CRMP1: variants seen among roughly 807,000 people sequenced by gnomAD.
CRMP1 encodes the protein collapsin response mediator protein 1, also known as dihydropyrimidinase-related protein 1.
CRMP1 carries 19 observed loss-of-function variants against 68.3 expected under a neutral mutation model. The observed-to-expected ratio is 0.28, with a 90% CI of 0.19 to 0.41. CRMP1 has a LOEUF of 0.41. CRMP1 is among the 10% of genes least tolerant of loss of function. CRMP1 has a pLI of 1.00. For synonymous variants in CRMP1, 439 were observed against 399.6 expected (o/e 1.10, Z -1.18); for missense variants, 791 against 967.4 (o/e 0.82, Z 2.42).
Position 5,843,242 on chromosome 4 carries a change from C to T in CRMP1, c.964-81G>A, listed in dbSNP as rs952826335. The T allele has an allele frequency of 3.5e-5, 50 of 1,432,804 alleles. No individual in the cohort carries two copies. The East Asian group carries it at 9.3e-4, about 27-fold the overall frequency. The allele number at this position is 1,432,804 out of a possible 1,614,324, so 88.8% of individuals were successfully genotyped here. A position where few individuals can be genotyped will look rare whatever the true frequency, so the allele number is the denominator to read the frequency against. ...TGACTCCTCCAACCCCCTGGTTAGA[C>T]AGAGGGGGCAGCTGGGTCCCAAAGA... On this transcript the variant is annotated intron_variant, in intron 6 of 13. Coordinates refer to ENST00000324989, the MANE Select transcript of CRMP1 (RefSeq NM_001014809.3). This position sits in a 1 kb window ranked among gnomAD's most constrained non-coding sequence, Gnocchi z 4.1.
At chr4:5,824,361 T>C (rs908686985) in intron 13 of CRMP1, 1 of 985,414 alleles carries the variant, frequency 1.0e-6, no homozygotes, top group Non-Finnish European at 1.2e-6. Context: ...CAAAGTCTTA[T>C]GGAGAGTGAG....
rs1375515367 is a variant in CRMP1 at position 5,825,668 on chromosome 4, AG to A, written c.1804-10del. On this transcript the variant is annotated splice_polypyrimidine_tract_variant and intron_variant, in intron 12 of 13. Transcript: ENST00000324989. This position sits in a 1 kb window ranked among gnomAD's most constrained non-coding sequence, Gnocchi z 4.4. ...CCTTGCAATCCAAAAACCTAAACAG[AG>A]GAAGGGAGAGTGTGATTGATCGACA... is the stretch of plus-strand genomic sequence containing the variant. 1 of 1,612,206 alleles carries A rather than the reference AG, an allele frequency of 6.2e-7. No individual in the cohort carries two copies. Among genetic ancestry groups the A allele is most frequent in the African/African-American group, 1.3e-5 (1 of 74,840 alleles).
intron 1 of CRMP1, among the ~76,000 whole-genome samples, chr4:5,875,681 TC>T (rs1577836124): frequency 6.6e-6 from 1 of 152,200 alleles, no homozygotes; most frequent in East Asian, 1.9e-4. Flanking sequence ...TTCTGAAAGT[TC>T]CAGGTACTGT....
At chr4:5,887,862 C>T (rs1054163313) in intron 1 of CRMP1, 4 of 995,820 alleles carry the variant, frequency 4.0e-6, no homozygotes, top group Admixed American at 5.8e-5. Flanking sequence ...CTCACCCTCC[C>T]ACCCCCGCGC....
chr4:5,836,239 G>A (rs1183819019), intron 10 of CRMP1, among the ~76,000 whole-genome samples, 154 bp from the exon 11 acceptor site: 1 of 152,196 alleles, frequency 6.6e-6, no homozygotes, highest in Non-Finnish European at 1.5e-5. Context: ...AAGAACCCCA[G>A]AAGGCCCAGC....
intron 9 of CRMP1, 66 bp from the exon 10 acceptor site, chr4:5,836,972 G>C (rs1385695297): frequency 7.2e-6 from 11 of 1,521,696 alleles, no homozygotes; most frequent in East Asian, 2.3e-5. Flanking sequence ...CCTGACTTCA[G>C]ACAGGTACAT....
In CRMP1 at chr4:5,860,072, C is replaced by T. The variant is rs984460744; in HGVS notation, c.655+954G>A. On this transcript the variant is annotated intron_variant, in intron 3 of 13. Transcript: ENST00000324989. The surrounding 1 kb of genome is among the most constrained non-coding windows in gnomAD (Gnocchi z 4.2). ...GGAGGAGGAGTCCAGTTTCCCAGAC[C>T]GAGCACTGCTGGGGAGTGGTCTCAC... is the stretch of plus-strand genomic sequence containing the variant. Among the ~76,000 whole-genome samples the T allele has an allele frequency of 6.6e-6, 1 of 152,110 alleles. No individual in the cohort carries two copies. The highest frequency in any genetic ancestry group is 1.9e-4 in the East Asian group (1 of 5,184).
chr4:5,852,749 A>G lies in CRMP1; in HGVS notation c.821-1280T>C, dbSNP rs146328691. Among the ~76,000 whole-genome samples, 762 of 152,294 alleles carry G rather than the reference A, an allele frequency of 5.0e-3. 7 individuals carry two copies. Among genetic ancestry groups the G allele is most frequent in the African/African-American group, 0.018 (735 of 41,556 alleles). On this transcript the variant is annotated intron_variant, in intron 4 of 13. Transcript: ENST00000324989. ...ATCTGGGCTGGGGTGTGGGAGTATC[A>G]GCAAGTCAATGGGCAAAGACAACTT...
At chr4:5,875,136 C>G (rs1463315720) in intron 1 of CRMP1, among the ~76,000 whole-genome samples, 2 of 151,450 alleles carry the variant, frequency 1.3e-5, no homozygotes, top group African/African-American at 4.9e-5. Flanking sequence ...TTGAGCTCTG[C>G]TTACAAAAAC....
At position 5,834,465 on chromosome 4, in the gene CRMP1, T is replaced by C. The variant is rs923918817; in HGVS notation, c.1623+1450A>G. The stretch of plus-strand genomic sequence containing the variant: ...TGTCTTATCCTTCTGCCCTCTGCCA[T>C]GGGATAACTCAGCAAGAAGGCCTTT... On this transcript the variant is annotated intron_variant, in intron 11 of 13. Coordinates refer to ENST00000324989, the MANE Select transcript of CRMP1 (RefSeq NM_001014809.3). The surrounding 1 kb of genome is among the most constrained non-coding windows in gnomAD (Gnocchi z 4.3). Among the ~76,000 whole-genome samples, 3 of 152,216 alleles carry C rather than the reference T, an allele frequency of 2.0e-5. No individual in the cohort carries two copies. Among genetic ancestry groups the C allele is most frequent in the Admixed American group, 6.5e-5 (1 of 15,284 alleles).
Position 5,825,678 on chromosome 4 carries a change from AGT to A in CRMP1, c.1804-21_1804-20del, listed in dbSNP as rs1482094411. 1.9e-6 allele frequency: 3 copies of A among 1,611,120 alleles called. No homozygotes were observed. Among genetic ancestry groups the A allele is most frequent in the South Asian group, 2.2e-5 (2 of 90,528 alleles). On this transcript the variant is annotated intron_variant, in intron 12 of 13. Coordinates refer to ENST00000324989, the MANE Select transcript of CRMP1 (RefSeq NM_001014809.3). The surrounding 1 kb of genome is among the most constrained non-coding windows in gnomAD (Gnocchi z 4.4). ...CAAAAACCTAAACAGAGGAAGGGAG[AGT>A]GTGATTGATCGACACTGTGCATGTG...
Position 5,892,578 on chromosome 4 carries a change from C to A in CRMP1, c.381+11G>T. 1 of 1,177,054 alleles carries A rather than the reference C, an allele frequency of 8.5e-7. No homozygotes were observed. Among genetic ancestry groups the A allele is most frequent in the South Asian group, 4.2e-5 (1 of 23,810 alleles). 72.9% of individuals were successfully genotyped at this position (1,177,054 alleles called of 1,614,324 possible). ...CCCCCCTCGTCTGGCCCGCGCGCGC[C>A]CCGAGGGTACCTGGCCATTGTCCCG... On this transcript the variant is annotated intron_variant, in intron 1 of 13. Coordinates refer to ENST00000324989, the MANE Select transcript of CRMP1 (RefSeq NM_001014809.3). The surrounding 1 kb of genome is among the most constrained non-coding windows in gnomAD (Gnocchi z 8.6).
intron 8 of CRMP1, among the ~76,000 whole-genome samples, chr4:5,840,546 T>C (rs1056490033): frequency 1.3e-5 from 2 of 152,254 alleles, no homozygotes; most frequent in African/African-American, 4.8e-5. Context: ...GTGCCCTGTA[T>C]CACAGCTGCC....
chr4:5,892,501 G>A lies in CRMP1; in HGVS notation c.381+88C>T, dbSNP rs888181566. On this transcript the variant is annotated intron_variant, in intron 1 of 13. Coordinates refer to ENST00000324989, the MANE Select transcript of CRMP1 (RefSeq NM_001014809.3). This position sits in a 1 kb window ranked among gnomAD's most constrained non-coding sequence, Gnocchi z 8.6. ...CTGGCGGCCGCTGCCCCAACACCGG[G>A]GCCCGGGCATGGCCCTCGGGCGCCC... 2.2e-5 allele frequency: 25 copies of A among 1,126,058 alleles called. No homozygotes were observed. In the African/African-American group the frequency reaches 2.8e-4, roughly 13 times the overall value. 69.8% of individuals were successfully genotyped at this position (1,126,058 alleles called of 1,614,324 possible).
At position 5,838,464 on chromosome 4, in the gene CRMP1, G is replaced by A. The variant is rs565275526; in HGVS notation, c.1310+1058C>T. The stretch of plus-strand genomic sequence containing the variant: ...TGGGTAGGGTGGGGTGGGCCCGTGT[G>A]GAAATAGAAAGTCTTGGTCGGAAGC... On this transcript the variant is annotated intron_variant, in intron 9 of 13. Coordinates refer to ENST00000324989, the MANE Select transcript of CRMP1 (RefSeq NM_001014809.3). This position sits in a 1 kb window ranked among gnomAD's most constrained non-coding sequence, Gnocchi z 4.9. Among the ~76,000 whole-genome samples the A allele has an allele frequency of 2.0e-4, 30 of 152,264 alleles. No individual in the cohort carries two copies. The highest frequency in any genetic ancestry group is 7.2e-4 in the African/African-American group (30 of 41,532).
chr4:5,864,126 A>G lies in CRMP1; in HGVS notation c.470+2542T>C, dbSNP rs1235180703. ...TGTTGACACATAACAGCAGGCACTT[A>G]ATGAATGCAGCTCAACCCATGGCCA... is the stretch of plus-strand genomic sequence containing the variant. On this transcript the variant is annotated intron_variant, in intron 2 of 13. Coordinates refer to ENST00000324989, the MANE Select transcript of CRMP1 (RefSeq NM_001014809.3). Among the ~76,000 whole-genome samples, 9 of 152,192 alleles carry G rather than the reference A, an allele frequency of 5.9e-5. No individual in the cohort carries two copies. The East Asian group carries it at 1.5e-3, about 26-fold the overall frequency.
rs894171748 is a variant in CRMP1 at position 5,888,058 on chromosome 4, G to A, written c.381+4531C>T. Among the ~76,000 whole-genome samples the A allele has an allele frequency of 1.3e-5, 2 of 151,898 alleles. No homozygotes were observed. Among genetic ancestry groups the A allele is most frequent in the Non-Finnish European group, 2.9e-5 (2 of 67,890 alleles). The stretch of plus-strand genomic sequence containing the variant: ...GGCTCCCCCACCCCCATTGTCCCCA[G>A]AGGCTGGGGGAGGGGGCTGAAATCC... On this transcript the variant is annotated intron_variant, in intron 1 of 13. Coordinates refer to ENST00000324989, the MANE Select transcript of CRMP1 (RefSeq NM_001014809.3). The surrounding 1 kb of genome is among the most constrained non-coding windows in gnomAD (Gnocchi z 6.4).
rs1209430394 is a variant in CRMP1, at chr4:5,868,255, ATATATC to A, written c.382-1505_382-1500del. On this transcript the variant is annotated intron_variant, in intron 1 of 13. Transcript: ENST00000324989. Reference sequence around the variant, plus strand: ...AACTTGCCGCACATTCTTCATGACTATATATCTATATATATATATATATATATATAT... The same window carrying A: ...AACTTGCCGCACATTCTTCATGACTATATATATATATATATATATATATAT... 5.8e-3 allele frequency among the ~76,000 whole-genome samples: 467 copies of A among 80,592 alleles called. 8 individuals carry two copies. Among genetic ancestry groups the A allele is most frequent in the Non-Finnish European group, 9.3e-3 (349 of 37,498 alleles). The allele number at this position is 80,592 out of a possible 152,430, so 52.9% of individuals were successfully genotyped here.
At chr4:5,848,562 A>T (rs914704094) in intron 6 of CRMP1, among the ~76,000 whole-genome samples, 1 of 152,230 alleles carries the variant, frequency 6.6e-6, no homozygotes, top group Non-Finnish European at 1.5e-5. Context: ...GTCTCATTTT[A>T]TCCAAAACTT....
Sources: gnomAD v4.1 joint callset for allele counts (sites outside exome capture counted in the v4.1 genomes callset) on GRCh38, gnomAD v4.1.1 for gene constraint, Gnocchi (gnomAD v3.1) non-coding constraint, MANE v1.5 for transcripts, NCBI Gene and HGNC (gene_info 2026-07-23, HGNC 2026-07-21) for gene names.